Variants in CDH13 observed in about 807,000 individuals in gnomAD.
CDH13 encodes the protein cadherin-13.
Under a neutral mutation model 63.8 loss-of-function variants are expected in CDH13, and 24 were observed. That is an observed-to-expected ratio of 0.38 (90% CI 0.27 to 0.53). The LOEUF is 0.53. CDH13 is among the 20% of genes least tolerant of loss of function. CDH13 has a pLI of 0.85. For synonymous variants in CDH13, 503 were observed against 355.3 expected (o/e 1.42, Z -4.67); for missense variants, 1,049 against 903.1 (o/e 1.16, Z -2.07).
At chr16:82,865,557 A>T (rs1351985045) in intron 2 of CDH13, among the ~76,000 whole-genome samples, 1 of 152,164 alleles carries the variant, frequency 6.6e-6, no homozygotes, top group Non-Finnish European at 1.5e-5. Flanking sequence ...CCATGGCCAA[A>T]ATGCAGGGCT....
intron 9 of CDH13, among the ~76,000 whole-genome samples, chr16:83,677,456 G>GC (rs1915051901): frequency 6.6e-6 from 1 of 152,152 alleles, no homozygotes; most frequent in Non-Finnish European, 1.5e-5. Flanking sequence ...CCGGCAAATG[G>GC]TTGTAGAGCC....
chr16:82,856,988 T>G (rs2039728650), intron 1 of CDH13, among the ~76,000 whole-genome samples: 1 of 152,136 alleles, frequency 6.6e-6, no homozygotes, highest in Non-Finnish European at 1.5e-5. Flanking sequence ...TTCCAAACAC[T>G]CTCTTCTGGC....
At chr16:83,646,300 C>G (rs983499733) in intron 8 of CDH13, among the ~76,000 whole-genome samples, 6 of 152,162 alleles carry the variant, frequency 3.9e-5, no homozygotes, top group Non-Finnish European at 8.8e-5. Flanking sequence ...AGTAGCGTAC[C>G]CGGGTCATGA....
chr16:83,709,064 A>G (rs1202498141), intron 10 of CDH13, among the ~76,000 whole-genome samples: 1 of 152,180 alleles, frequency 6.6e-6, no homozygotes, highest in African/African-American at 2.4e-5. Context: ...TTAAAAAATT[A>G]AAATGGAGGC....
At chr16:83,499,180 C>G (rs2074215250) in intron 7 of CDH13, among the ~76,000 whole-genome samples, 1 of 152,200 alleles carries the variant, frequency 6.6e-6, no homozygotes. Flanking sequence ...CACTGGTATT[C>G]TATTAAATCA....
intron 2 of CDH13, chr16:82,953,229 C>T (rs1326038583): frequency 1.3e-5 from 2 of 152,158 alleles, no homozygotes; most frequent in Non-Finnish European, 2.9e-5. Context: ...AAATACATTA[C>T]TAAATATCCA....
intron 2 of CDH13, among the ~76,000 whole-genome samples, chr16:82,922,574 A>G (rs1004839601): frequency 6.6e-6 from 1 of 152,180 alleles, no homozygotes; most frequent in African/African-American, 2.4e-5. Flanking sequence ...GTATGCTGCT[A>G]TAACAGGTAT....
intron 10 of CDH13, among the ~76,000 whole-genome samples, chr16:83,695,697 T>C (rs116313996): frequency 0.013 from 1,947 of 152,156 alleles, 46 homozygotes; most frequent in African/African-American, 0.044. Flanking sequence ...TAAAACATAA[T>C]GAAATAGAAA....
intron 5 of CDH13, among the ~76,000 whole-genome samples, chr16:83,246,122 T>A (rs1904968075): frequency 6.6e-6 from 1 of 152,216 alleles, no homozygotes; most frequent in Non-Finnish European, 1.5e-5. Context: ...AGATTTAGAA[T>A]AGGGTTTTAT....
chr16:83,298,375 C>G (rs985627103), intron 5 of CDH13, among the ~76,000 whole-genome samples: 29 of 152,126 alleles, frequency 1.9e-4, no homozygotes, highest in African/African-American at 6.5e-4. Flanking sequence ...AGAATAATAA[C>G]TTTTGAAAGC....
rs1174536004 is a variant in CDH13 at position 82,644,267 on chromosome 16, C to A, written c.45+17130C>A. Among the ~76,000 whole-genome samples, 1 of 152,088 alleles carries A rather than the reference C, an allele frequency of 6.6e-6. No homozygotes were observed. Among genetic ancestry groups the A allele is most frequent in the Non-Finnish European group, 1.5e-5 (1 of 68,016 alleles). On this transcript the variant is annotated intron_variant, in intron 1 of 13. Coordinates refer to ENST00000567109, the MANE Select transcript of CDH13 (RefSeq NM_001257.5). This position sits in a 1 kb window ranked among gnomAD's most constrained non-coding sequence, Gnocchi z 5.7. ...CTAAGGTCTAAGGCTGGGAAAGGAGCTCCCACTTCTTACATTCAGTGCTCA... is the reference window on the plus strand; with the variant it reads ...CTAAGGTCTAAGGCTGGGAAAGGAGATCCCACTTCTTACATTCAGTGCTCA...
At chr16:83,041,240 T>A (rs933264875) in intron 3 of CDH13, among the ~76,000 whole-genome samples, 5 of 152,272 alleles carry the variant, frequency 3.3e-5, no homozygotes, top group Admixed American at 6.5e-5. Context: ...AAGAATTTCT[T>A]AAAAATAAAA....
In CDH13 at chr16:83,733,768, C is replaced by T. The variant is rs542655762; in HGVS notation, c.1539-14340C>T. Among the ~76,000 whole-genome samples the T allele has an allele frequency of 1.8e-4, 27 of 152,274 alleles. 1 individual carries two copies. Among genetic ancestry groups the T allele is most frequent in the Admixed American group, 5.2e-4 (8 of 15,300 alleles). On this transcript the variant is annotated intron_variant, in intron 10 of 13. Transcript: ENST00000567109. ...TTCCCATTCTGGTCTTCTGACATCCCAGTTTGCTCTCCCAGTGAGCGTGTT... is the reference window on the plus strand; with the variant it reads ...TTCCCATTCTGGTCTTCTGACATCCTAGTTTGCTCTCCCAGTGAGCGTGTT...
chr16:82,721,580 A>G lies in CDH13; in HGVS notation c.45+94443A>G, dbSNP rs552807996. On this transcript the variant is annotated intron_variant, in intron 1 of 13. Coordinates refer to ENST00000567109, the MANE Select transcript of CDH13 (RefSeq NM_001257.5). ...GGTAGAAGTAACAGCAAAGTCAAAG[A>G]AAGCAGTCGGCAAAGAGATTTGTAA... Among the ~76,000 whole-genome samples, 41 of 152,310 alleles carry G rather than the reference A, an allele frequency of 2.7e-4. 2 individuals are homozygous for G. The South Asian group carries it at 8.5e-3, about 32-fold the overall frequency.
chr16:83,416,984 G>A (rs968772317), intron 6 of CDH13, among the ~76,000 whole-genome samples: 8 of 152,260 alleles, frequency 5.3e-5, no homozygotes, highest in South Asian at 4.1e-4. Flanking sequence ...TTTAAAAATA[G>A]TGTTTTTAAA....
At chr16:82,652,048 C>A (rs1397300933) in intron 1 of CDH13, among the ~76,000 whole-genome samples, 1 of 152,224 alleles carries the variant, frequency 6.6e-6, no homozygotes, top group Non-Finnish European at 1.5e-5. Flanking sequence ...ACTTGCTCGG[C>A]CAACCTATTG....
At chr16:83,334,390 C>CACAG (rs1567599418) in intron 5 of CDH13, among the ~76,000 whole-genome samples, 4 of 150,334 alleles carry the variant, frequency 2.7e-5, no homozygotes, top group African/African-American at 9.8e-5. Flanking sequence ...CACACACACA[C>CACAG]ACACAGAATC....
intron 5 of CDH13, among the ~76,000 whole-genome samples, chr16:83,317,092 G>C (rs1375481726): frequency 6.6e-6 from 1 of 152,212 alleles, no homozygotes; most frequent in Non-Finnish European, 1.5e-5. Flanking sequence ...GGTATCCCAT[G>C]GATGAAAATC....
At chr16:82,869,779 G>A (rs541628427) in intron 2 of CDH13, among the ~76,000 whole-genome samples, 46 of 152,118 alleles carry the variant, frequency 3.0e-4, no homozygotes, top group Non-Finnish European at 5.9e-4. Flanking sequence ...ATATCCATAT[G>A]CAGAAGAATG....
Sources: gnomAD v4.1 joint callset for allele counts (sites outside exome capture counted in the v4.1 genomes callset) on GRCh38, gnomAD v4.1.1 for gene constraint, Gnocchi (gnomAD v3.1) non-coding constraint, MANE v1.5 for transcripts, NCBI Gene and HGNC (gene_info 2026-07-23, HGNC 2026-07-21) for gene names.